Variants in GPC5 observed in about 807,000 individuals in gnomAD.
GPC5 encodes glypican 5, also known as glypican-5.
A neutral mutation model predicts 53.9 loss-of-function variants in GPC5; 47 were observed. That is an observed-to-expected ratio of 0.87 (90% CI 0.69 to 1.11). The LOEUF (loss-of-function observed/expected upper bound fraction) is 1.11, where lower values mean the gene tolerates loss of function less well. Ranked by LOEUF, GPC5 falls within the 50% of genes most tolerant of loss-of-function variation. The pLI is 0.00. For missense variants in GPC5, 748 were observed against 713.1 expected (o/e 1.05, Z -0.56); for synonymous variants, 286 against 263.3 (o/e 1.09, Z -0.84).
At chr13:92,749,710 G>A (rs1889332364) in intron 7 of GPC5, among the ~76,000 whole-genome samples, 2 of 152,216 alleles carry the variant, frequency 1.3e-5, no homozygotes, top group South Asian at 4.1e-4. Context: ...TCAATAAAAT[G>A]CAGGAGGTGC....
intron 7 of GPC5, among the ~76,000 whole-genome samples, chr13:92,334,458 G>A (rs1052515143): frequency 3.9e-5 from 6 of 152,256 alleles, no homozygotes; most frequent in Middle Eastern, 3.4e-3. Context: ...TGGGGACAGA[G>A]CCAAACCATA....
chr13:92,241,751 G>C lies in GPC5; in HGVS notation c.1561+96762G>C, dbSNP rs183373287. The C allele has an allele frequency of 3.3e-3, 501 of 152,230 alleles. 3 individuals carry two copies. The highest frequency in any genetic ancestry group is 0.011 in the African/African-American group (476 of 41,548). The allele number at this position is 152,230 out of a possible 1,614,324, so 9.4% of individuals were successfully genotyped here. On this transcript the variant is annotated intron_variant, in intron 7 of 7. Coordinates refer to ENST00000377067, the MANE Select transcript of GPC5 (RefSeq NM_004466.6). ...TTCTCTATTTTCATCTAAAAGTAGA[G>C]AGGTTTTAAAAATCGACTTGAAAAT...
At chr13:92,173,052 G>A (rs147723297) in intron 7 of GPC5, among the ~76,000 whole-genome samples, 92 of 150,878 alleles carry the variant, frequency 6.1e-4, no homozygotes, top group African/African-American at 2.2e-3. Context: ...AGCTTTTTTT[G>A]GTTAAAGTAA....
At chr13:91,640,107 AT>A (rs1555332879) in intron 2 of GPC5, among the ~76,000 whole-genome samples, 1 of 152,026 alleles carries the variant, frequency 6.6e-6, no homozygotes, top group Non-Finnish European at 1.5e-5. Flanking sequence ...TGAATGGTTA[AT>A]TTTTTTCTAA....
intron 7 of GPC5, among the ~76,000 whole-genome samples, chr13:92,354,004 T>C (rs922177937): frequency 5.3e-5 from 8 of 152,212 alleles, no homozygotes; most frequent in African/African-American, 1.9e-4. Context: ...ATATGCCTAA[T>C]GTTCACAGGA....
chr13:91,619,979 C>A (rs183988383), intron 2 of GPC5, among the ~76,000 whole-genome samples: 61 of 152,208 alleles, frequency 4.0e-4, no homozygotes, highest in African/African-American at 1.4e-3. Context: ...CTTTTGGCCT[C>A]AATTTTCTCA....
chr13:92,396,219 C>T (rs953287749), intron 7 of GPC5, among the ~76,000 whole-genome samples: 4 of 152,134 alleles, frequency 2.6e-5, no homozygotes, highest in Non-Finnish European at 5.9e-5. Flanking sequence ...TGACTTATGG[C>T]AAGCTCACTG....
chr13:92,250,221 G>A (rs1364668200), intron 7 of GPC5, among the ~76,000 whole-genome samples: 1 of 152,130 alleles, frequency 6.6e-6, no homozygotes, highest in Non-Finnish European at 1.5e-5. Context: ...GCATGCACCA[G>A]ATGTGTATGG....
intron 7 of GPC5, among the ~76,000 whole-genome samples, chr13:92,658,584 A>C (rs780267429): frequency 6.6e-6 from 1 of 152,206 alleles, no homozygotes; most frequent in Non-Finnish European, 1.5e-5. Flanking sequence ...TTCTAGCGTT[A>C]AGAGCTGCTA....
At chr13:92,696,023 T>C (rs1319391567) in intron 7 of GPC5, among the ~76,000 whole-genome samples, 1 of 152,190 alleles carries the variant, frequency 6.6e-6, no homozygotes, top group African/African-American at 2.4e-5. Flanking sequence ...GAAAAGGACA[T>C]GAACTCATCC....
chr13:92,595,700 G>A (rs905200186), intron 7 of GPC5, among the ~76,000 whole-genome samples: 13 of 147,420 alleles, frequency 8.8e-5, no homozygotes, highest in African/African-American at 2.8e-4. Context: ...CCCGGGAGGC[G>A]GAGCTTGCAG....
intron 6 of GPC5, among the ~76,000 whole-genome samples, chr13:91,924,815 C>A (rs906308919): frequency 1.3e-5 from 2 of 151,780 alleles, no homozygotes; most frequent in Non-Finnish European, 2.9e-5. Flanking sequence ...TATTTCCCAA[C>A]CTATAAATAT....
At chr13:92,513,862 A>T (rs991745684) in intron 7 of GPC5, among the ~76,000 whole-genome samples, 1 of 152,156 alleles carries the variant, frequency 6.6e-6, no homozygotes, top group Non-Finnish European at 1.5e-5. Context: ...CTGCATTTTG[A>T]CTATGACTCA....
intron 5 of GPC5, among the ~76,000 whole-genome samples, chr13:91,785,428 A>G (rs1235803052): frequency 6.6e-6 from 1 of 152,210 alleles, no homozygotes; most frequent in East Asian, 1.9e-4. Flanking sequence ...CCTTCAGTTG[A>G]AAACCACTGA....
intron 7 of GPC5, among the ~76,000 whole-genome samples, chr13:92,148,514 C>T (rs909086376): frequency 1.3e-5 from 2 of 152,100 alleles, no homozygotes; most frequent in African/African-American, 4.8e-5. Context: ...AAGAAAGAAG[C>T]CATCTATACT....
At chr13:92,203,755 GAAAAA>G (rs11456004) in intron 7 of GPC5, among the ~76,000 whole-genome samples, 1 of 142,452 alleles carries the variant, frequency 7.0e-6, no homozygotes, top group Non-Finnish European at 1.5e-5. Context: ...AACTTACTAG[GAAAAA>G]AAAAAAATCA....
intron 7 of GPC5, among the ~76,000 whole-genome samples, chr13:92,145,577 A>C (rs2041861314): frequency 1.3e-5 from 2 of 152,158 alleles, no homozygotes; most frequent in South Asian, 4.1e-4. Flanking sequence ...TTTTCAAATA[A>C]CAACAAAAAA....
At chr13:92,866,155 A>G (rs937001241) in intron 7 of GPC5, 127 bp from the exon 8 acceptor site, 1 of 607,336 alleles carries the variant, frequency 1.6e-6, no homozygotes, top group East Asian at 3.2e-5. Context: ...ATTATGTTAG[A>G]GTTAGGTGAA....
At chr13:92,208,491 G>A (rs1277198361) in intron 7 of GPC5, among the ~76,000 whole-genome samples, 2 of 152,120 alleles carry the variant, frequency 1.3e-5, no homozygotes, top group African/African-American at 4.8e-5. Flanking sequence ...CATTCATCTT[G>A]GAATTGCTGT....
Sources: gnomAD v4.1 joint callset for allele counts (sites outside exome capture counted in the v4.1 genomes callset) on GRCh38, gnomAD v4.1.1 for gene constraint, MANE v1.5 for transcripts, NCBI Gene and HGNC (gene_info 2026-07-23, HGNC 2026-07-21) for gene names.